The following BTAF1 variants were observed in gnomAD, a reference collection of about 807,000 sequenced individuals.
The protein encoded by BTAF1 is TATA-binding protein-associated factor 172.
In BTAF1, 38 loss-of-function variants were observed where a neutral mutation model predicts 227.1. That is an observed-to-expected ratio of 0.17 (90% CI 0.13 to 0.22). The LOEUF (loss-of-function observed/expected upper bound fraction) is 0.22. BTAF1 is among the 10% of genes least tolerant of loss of function. The probability of loss-of-function intolerance (pLI) is 1.00; values close to 1 mark genes in which losing one functional copy is unlikely to be tolerated. For synonymous variants in BTAF1, 742 were observed against 751.9 expected (o/e 0.99, Z 0.21); for missense variants, 1,598 against 2,204.0 (o/e 0.73, Z 5.51).
At chr10:92,025,985 A>T (rs1254797410) in intron 35 of BTAF1, among the ~76,000 whole-genome samples, 1 of 152,180 alleles carries the variant, frequency 6.6e-6, no homozygotes, top group African/African-American at 2.4e-5. Flanking sequence ...AGTCTCTCTA[A>T]AATAGGGATA....
At chr10:92,009,868 T>G (rs1850178197) in intron 28 of BTAF1, among the ~76,000 whole-genome samples, 1 of 152,232 alleles carries the variant, frequency 6.6e-6, no homozygotes, top group African/African-American at 2.4e-5. Flanking sequence ...AAGTGGAAGC[T>G]CATTGATTTC....
chr10:91,987,350 G>T (rs1848471210), intron 19 of BTAF1, among the ~76,000 whole-genome samples: 1 of 152,030 alleles, frequency 6.6e-6, no homozygotes, highest in Non-Finnish European at 1.5e-5. Flanking sequence ...GGGCGTGGTG[G>T]TGGGTGCCTG....
intron 25 of BTAF1, among the ~76,000 whole-genome samples, chr10:92,004,457 T>TA (rs1158844947): frequency 2.0e-5 from 3 of 152,114 alleles, no homozygotes; most frequent in Non-Finnish European, 2.9e-5. Flanking sequence ...GCTCAACCTA[T>TA]GTTTTGATTG....
intron 19 of BTAF1, among the ~76,000 whole-genome samples, chr10:91,984,867 T>C (rs902856458): frequency 2.6e-5 from 4 of 152,214 alleles, no homozygotes; most frequent in African/African-American, 7.2e-5. Flanking sequence ...TTCACCTGCC[T>C]ACCTCTCTAT....
At chr10:91,945,901 A>G (rs1053474422) in intron 4 of BTAF1, among the ~76,000 whole-genome samples, 1 of 152,136 alleles carries the variant, frequency 6.6e-6, no homozygotes, top group Non-Finnish European at 1.5e-5. Flanking sequence ...ATTTCTACCA[A>G]CAGTACACAA....
chr10:92,013,835 T>C (rs371424144), intron 31 of BTAF1, 27 bp downstream of exon 31: 134 of 1,613,128 alleles, frequency 8.3e-5, no homozygotes, highest in Non-Finnish European at 1.1e-4. Context: ...ATTATAACCC[T>C]GTGTAAGTGA....
intron 25 of BTAF1, among the ~76,000 whole-genome samples, chr10:92,005,984 C>T (rs1849851900): frequency 6.6e-6 from 1 of 152,054 alleles, no homozygotes; most frequent in African/African-American, 2.4e-5. Context: ...AGCGATCCTC[C>T]TGCCTTAACC....
intron 37 of BTAF1, 34 bp from the exon 38 acceptor site, chr10:92,028,756 T>C: frequency 6.5e-7 from 1 of 1,535,940 alleles, no homozygotes; most frequent in Non-Finnish European, 8.8e-7. Flanking sequence ...AACCTCTCAT[T>C]TTATTTTTTT....
Position 91,980,538 on chromosome 10 carries a change from A to G in BTAF1, c.1735A>G (p.Ile579Val), listed in dbSNP as rs1456181314. The G allele has an allele frequency of 1.2e-6, 2 of 1,611,806 alleles. No homozygotes were observed. The highest frequency in any genetic ancestry group is 1.3e-5 in the African/African-American group (1 of 74,854). The change falls in exon 15 of 38, where the codon ATT becomes GTT. Residue 579 changes from isoleucine to valine, a missense_variant. Around this residue, in one of 10 missense-constraint regions of BTAF1, gnomAD observed 318 missense variants for 435.0 expected, o/e 0.73. Transcript: ENST00000265990. ...QFCVLESSQE[I>V]LDLIHKVWME... is the part of the protein sequence containing the mutation. The stretch of plus-strand genomic sequence containing the variant: ...CTGTGTTTTGGAAAGCAGCCAGGAA[A>G]TTCTGGACCTTATTCACAAGGTACA...
At chr10:92,010,203 G>T (rs1250203965) in intron 28 of BTAF1, among the ~76,000 whole-genome samples, 2 of 152,082 alleles carry the variant, frequency 1.3e-5, no homozygotes, top group African/African-American at 4.8e-5. Context: ...ATGGGGTCTG[G>T]GTCCAAGGTC....
chr10:91,968,453 C>G (rs1847076509), intron 14 of BTAF1, among the ~76,000 whole-genome samples: 1 of 152,196 alleles, frequency 6.6e-6, no homozygotes, highest in South Asian at 2.1e-4. Context: ...CTAAGGACAT[C>G]TTAATTGCTT....
At chr10:92,013,626 A>G in intron 30 of BTAF1, 41 bp from the exon 31 acceptor site, 1 of 1,613,034 alleles carries the variant, frequency 6.2e-7, no homozygotes, top group Non-Finnish European at 8.5e-7. Flanking sequence ...TTGTAAGGAA[A>G]TAATCCCAGT....
chr10:91,947,240 T>G (rs758619634), intron 4 of BTAF1, among the ~76,000 whole-genome samples: 4 of 152,230 alleles, frequency 2.6e-5, no homozygotes, highest in African/African-American at 4.8e-5. Flanking sequence ...GTCCAATTTT[T>G]TTGTATTGTT....
In BTAF1 at chr10:92,008,037, T is replaced by C. The variant is rs1850046712; in HGVS notation, c.3661-86T>C. On this transcript the variant is annotated intron_variant, in intron 25 of 37. Coordinates refer to ENST00000265990, the MANE Select transcript of BTAF1 (RefSeq NM_003972.3). Reference sequence around the variant, plus strand: ...TTGTACAATTTTCAGAATTCTTTTTTCTGTGTGTTTGTTTTGTGTTTATTT... The same window carrying C: ...TTGTACAATTTTCAGAATTCTTTTTCCTGTGTGTTTGTTTTGTGTTTATTT... 4.8e-6 allele frequency: 6 copies of C among 1,242,520 alleles called. No individual in the cohort carries two copies. The Admixed American group carries it at 1.6e-4, about 32-fold the overall frequency. The allele number at this position is 1,242,520 out of a possible 1,614,324, so 77.0% of individuals were successfully genotyped here.
At chr10:91,933,468 A>G (rs1262706458) in intron 1 of BTAF1, among the ~76,000 whole-genome samples, 3 of 152,146 alleles carry the variant, frequency 2.0e-5, no homozygotes, top group Non-Finnish European at 2.9e-5. Context: ...GAATATGAGT[A>G]TTCTCCCGAT....
At chr10:91,932,762 A>T (rs1345368955) in intron 1 of BTAF1, among the ~76,000 whole-genome samples, 1 of 152,258 alleles carries the variant, frequency 6.6e-6, no homozygotes, top group Non-Finnish European at 1.5e-5. Context: ...GAAGAACTTC[A>T]GCTGAATCCT....
chr10:92,011,777 A>G (rs930630018), intron 30 of BTAF1, among the ~76,000 whole-genome samples: 2 of 152,192 alleles, frequency 1.3e-5, no homozygotes, highest in African/African-American at 4.8e-5. Flanking sequence ...GAATCATCAT[A>G]TAGTAGAAGT....
chr10:91,978,839 C>CTTTTTTTTT (rs1847883996), intron 14 of BTAF1, among the ~76,000 whole-genome samples: 1 of 40,866 alleles, frequency 2.4e-5, no homozygotes, highest in African/African-American at 9.3e-5. Flanking sequence ...TTTTTTTTCA[C>CTTTTTTTTT]TTTCATTTTA....
intron 24 of BTAF1, 21 bp downstream of exon 24, chr10:91,996,591 A>T (rs1157802478): frequency 6.2e-7 from 1 of 1,605,946 alleles, no homozygotes; most frequent in African/African-American, 1.3e-5. Flanking sequence ...TCATTTGACA[A>T]ACTGTTCAGG....
Sources: allele counts gnomAD v4.1 joint callset (sites outside exome capture counted in the v4.1 genomes callset), GRCh38; gene constraint gnomAD v4.1.1; regional missense constraint gnomAD v4.1.1; transcripts MANE v1.5; gene names NCBI Gene and HGNC (gene_info 2026-07-23, HGNC 2026-07-21).